The following SMURF2 variants were observed in gnomAD, a reference collection of about 807,000 sequenced individuals.
SMURF2 encodes E3 ubiquitin-protein ligase SMURF2.
Under a neutral mutation model 109.6 loss-of-function variants are expected in SMURF2, and 48 were observed. The observed-to-expected ratio is 0.44, with a 90% CI of 0.35 to 0.56. The LOEUF (loss-of-function observed/expected upper bound fraction) is 0.56, where lower values mean the gene tolerates loss of function less well. Ranked by LOEUF, SMURF2 falls within the 20% of genes least tolerant of loss-of-function variation. The pLI is 0.01. For missense variants in SMURF2, 575 were observed against 909.0 expected (o/e 0.63, Z 4.72); for synonymous variants, 288 against 317.1 (o/e 0.91, Z 0.97).
intron 10 of SMURF2, among the ~76,000 whole-genome samples, chr17:64,564,155 C>T (rs534288435): frequency 1.3e-5 from 2 of 152,172 alleles, no homozygotes; most frequent in Non-Finnish European, 2.9e-5. Context: ...CATATACATA[C>T]AAAGACTTGC....
At chr17:64,595,029 C>T (rs1207635628) in intron 3 of SMURF2, among the ~76,000 whole-genome samples, 2 of 152,070 alleles carry the variant, frequency 1.3e-5, no homozygotes, top group Non-Finnish European at 2.9e-5. Flanking sequence ...ACCAGTTGTC[C>T]AACTAGTAAG....
chr17:64,649,688 C>CA (rs1447649237), intron 1 of SMURF2, among the ~76,000 whole-genome samples: 1 of 151,768 alleles, frequency 6.6e-6, no homozygotes, highest in Non-Finnish European at 1.5e-5. Context: ...ACTAAAAATA[C>CA]AAAAAATTAG....
At chr17:64,638,534 T>C (rs1487633130) in intron 1 of SMURF2, among the ~76,000 whole-genome samples, 1 of 152,238 alleles carries the variant, frequency 6.6e-6, no homozygotes, top group Non-Finnish European at 1.5e-5. Flanking sequence ...AGTTTTCTTT[T>C]AGCACAGGAA....
At chr17:64,648,254 T>C (rs1555693173) in intron 1 of SMURF2, among the ~76,000 whole-genome samples, 2 of 152,074 alleles carry the variant, frequency 1.3e-5, no homozygotes, top group African/African-American at 4.8e-5. Context: ...CAGTGAATGT[T>C]AGTGATCTTC....
chr17:64,555,316 C>T (rs1254572788), intron 14 of SMURF2, among the ~76,000 whole-genome samples: 1 of 152,180 alleles, frequency 6.6e-6, no homozygotes, highest in Non-Finnish European at 1.5e-5. Flanking sequence ...TCCAAGGGGC[C>T]AAGTGCCTGT....
intron 2 of SMURF2, among the ~76,000 whole-genome samples, chr17:64,599,442 G>A (rs1196249478): frequency 6.6e-6 from 1 of 152,200 alleles, no homozygotes; most frequent in South Asian, 2.1e-4. Flanking sequence ...TAAAGAAAGG[G>A]CTTTGAGGGA....
At chr17:64,562,336 C>T (rs8077292) in intron 11 of SMURF2, among the ~76,000 whole-genome samples, 5,421 of 144,796 alleles carry the variant, frequency 0.037, 378 homozygotes, top group African/African-American at 0.13. Context: ...AAAATTAGCA[C>T]TCTCGGTATT....
chr17:64,613,673 A>AGTGTGTGTGTGTGTGTGTGTGT (rs61060865), intron 1 of SMURF2, among the ~76,000 whole-genome samples: 1 of 20,794 alleles, frequency 4.8e-5, no homozygotes, highest in African/African-American at 1.6e-4. Context: ...TCCACGGACC[A>AGTGTGTGTGTGTGTGTGTGTGT]GTGTGTGTGT....
chr17:64,627,111 CTTTTTTTTTTT>C (rs1204553792), intron 1 of SMURF2, among the ~76,000 whole-genome samples: 4 of 120,130 alleles, frequency 3.3e-5, no homozygotes, highest in Non-Finnish European at 5.0e-5. Flanking sequence ...AGTTTTTTTC[CTTTTTTTTTTT>C]TTTTTTTTTG....
At chr17:64,608,432 A>G (rs1555689255) in intron 1 of SMURF2, among the ~76,000 whole-genome samples, 1 of 152,226 alleles carries the variant, frequency 6.6e-6, no homozygotes, top group Non-Finnish European at 1.5e-5. Context: ...TAAAAACTCA[A>G]TCAATCATGA....
intron 15 of SMURF2, among the ~76,000 whole-genome samples, chr17:64,554,035 A>T (rs1409839401): frequency 6.6e-6 from 1 of 152,224 alleles, no homozygotes; most frequent in Non-Finnish European, 1.5e-5. Flanking sequence ...CCCAATACAT[A>T]AAAATTCCTC....
chr17:64,591,608 T>C (rs1441384211), intron 4 of SMURF2, among the ~76,000 whole-genome samples: 1 of 152,238 alleles, frequency 6.6e-6, no homozygotes, highest in African/African-American at 2.4e-5. Flanking sequence ...AATCTGGGTT[T>C]GCATCAGTTC....
intron 1 of SMURF2, among the ~76,000 whole-genome samples, chr17:64,644,193 C>A (rs572492894): frequency 1.3e-5 from 2 of 151,996 alleles, no homozygotes; most frequent in South Asian, 2.1e-4. Context: ...TTTGTAGAGA[C>A]GGAGTTTCAC....
intron 1 of SMURF2, among the ~76,000 whole-genome samples, chr17:64,627,986 G>C (rs1970290057): frequency 6.6e-6 from 1 of 152,178 alleles, no homozygotes; most frequent in Non-Finnish European, 1.5e-5. Context: ...GTCTCCAACA[G>C]TCTTTGTACT....
At chr17:64,585,510 G>A (rs1256554540) in intron 6 of SMURF2, among the ~76,000 whole-genome samples, 1 of 152,086 alleles carries the variant, frequency 6.6e-6, no homozygotes, top group African/African-American at 2.4e-5. Flanking sequence ...CAAAGCATAT[G>A]GAAGTTAAAT....
chr17:64,632,735 G>C (rs569069533), intron 1 of SMURF2, among the ~76,000 whole-genome samples: 1 of 152,190 alleles, frequency 6.6e-6, no homozygotes, highest in Non-Finnish European at 1.5e-5. Context: ...GTGTAACACA[G>C]AGCTTAGAGA....
intron 1 of SMURF2, among the ~76,000 whole-genome samples, chr17:64,618,988 A>G (rs782409854): frequency 7.2e-5 from 11 of 152,200 alleles, no homozygotes; most frequent in African/African-American, 1.4e-4. Flanking sequence ...TGCTTCAGAT[A>G]GCTCATCTGT....
At chr17:64,660,737 C>T (rs1970763858) in intron 1 of SMURF2, 1 of 152,168 alleles carries the variant, frequency 6.6e-6, no homozygotes, top group African/African-American at 2.4e-5. Context: ...TTATCTTTCT[C>T]ACCACTCACC....
chr17:64,601,390 T>C (rs1969893558), intron 2 of SMURF2, among the ~76,000 whole-genome samples: 2 of 152,024 alleles, frequency 1.3e-5, no homozygotes, highest in Admixed American at 6.6e-5. Context: ...AGGACATCAA[T>C]AGACAATTCT....
Sources: allele counts gnomAD v4.1 joint callset (sites outside exome capture counted in the v4.1 genomes callset), GRCh38; gene constraint gnomAD v4.1.1; transcripts MANE v1.5; gene names NCBI Gene and HGNC (gene_info 2026-07-23, HGNC 2026-07-21).